The following CDH17 variants were observed in gnomAD, a reference collection of about 807,000 sequenced individuals.
The protein encoded by CDH17 is cadherin 17, also known as cadherin-17.
Under a neutral mutation model 86.3 loss-of-function variants are expected in CDH17, and 67 were observed. The ratio of observed to expected loss-of-function variants is 0.78; its 90% CI spans 0.64 to 0.95. The LOEUF is 0.95. CDH17 is among the 40% of genes least tolerant of loss of function. The probability of loss-of-function intolerance (pLI) is 0.00; values close to 1 mark genes in which losing one functional copy is unlikely to be tolerated. For synonymous variants in CDH17, 367 were observed against 366.4 expected, an observed-to-expected ratio of 1.00 and a Z score of -0.02; for missense variants, 993 against 1,017.6, an observed-to-expected ratio of 0.98 and a Z score of 0.33.
At chr8:94,192,089 G>A (rs1813701038) in intron 2 of CDH17, among the ~76,000 whole-genome samples, 1 of 152,222 alleles carries the variant, frequency 6.6e-6, no homozygotes, top group Non-Finnish European at 1.5e-5. Flanking sequence ...ATTCCAACAA[G>A]GACAAGCTGG....
At chr8:94,148,666 C>A (rs1438347990) in intron 14 of CDH17, 78 bp downstream of exon 14, 4 of 1,145,946 alleles carry the variant, frequency 3.5e-6, no homozygotes, top group Non-Finnish European at 4.6e-6. Context: ...GTTTTCTTAT[C>A]CTCCCTCCCA....
chr8:94,170,420 T>C lies in CDH17; in HGVS notation c.1043A>G (p.Glu348Gly), dbSNP rs1223615546. Residue 348 changes from glutamate (E) to glycine (G), a missense_variant, in exon 9 of 18, where the codon GAG becomes GGG. Coordinates refer to ENST00000027335, the MANE Select transcript of CDH17 (RefSeq NM_004063.4). ...PTCPSPVTVF[E>G]VQENERLGNS... is the part of the protein sequence containing the mutation. The stretch of plus-strand genomic sequence containing the variant: ...ACCCAGTCGTTCATTCTCCTGGACC[T>C]CAAATACGGTTACTGGTGACGGACA... 6.2e-7 allele frequency: 1 copy of C among 1,611,798 alleles called. No individual in the cohort carries two copies. Among genetic ancestry groups the C allele is most frequent in the Admixed American group, 1.7e-5 (1 of 59,956 alleles).
chr8:94,132,283 C>T (rs2130566808), intron 15 of CDH17, among the ~76,000 whole-genome samples: 1 of 152,294 alleles, frequency 6.6e-6, no homozygotes, highest in Admixed American at 6.5e-5. Context: ...AACTAATTTA[C>T]ACTCCCACCA....
intron 1 of CDH17, chr8:94,202,907 C>A: frequency 3.5e-6 from 1 of 284,726 alleles, no homozygotes; most frequent in Non-Finnish European, 6.8e-6. Context: ...TCTGCCAATT[C>A]CTCCAATGAG....
chr8:94,158,706 A>C (rs1812992577), intron 12 of CDH17, among the ~76,000 whole-genome samples: 1 of 152,144 alleles, frequency 6.6e-6, no homozygotes, highest in African/African-American at 2.4e-5. Flanking sequence ...CTCACACACA[A>C]GGCTAAGGCT....
chr8:94,162,001 G>T, intron 11 of CDH17, 85 bp downstream of exon 11: 1 of 853,222 alleles, frequency 1.2e-6, no homozygotes, highest in Non-Finnish European at 1.9e-6. Flanking sequence ...ACTTTTCCTA[G>T]CTACTGTCTG....
chr8:94,132,343 T>C (rs1812437143), intron 15 of CDH17, among the ~76,000 whole-genome samples: 2 of 152,164 alleles, frequency 1.3e-5, no homozygotes, highest in Non-Finnish European at 2.9e-5. Flanking sequence ...GCAACTGTTG[T>C]TTCCTGACTT....
chr8:94,130,715 C>G lies in CDH17; in HGVS notation c.2309G>C (p.Gly770Ala). 2 of 1,613,988 alleles carry G rather than the reference C, an allele frequency of 1.2e-6. No homozygotes were observed. The highest frequency in any genetic ancestry group is 2.7e-5 in the African/African-American group (2 of 75,050). ...GTGACCTGCTGGCCGGAAACAACTT[C>G]CTTCCACACAACTGCAGAATGTAAC... ...LPVTFCSCVEGSCFRPAGHQT... is the reference protein window; with the variant it reads ...LPVTFCSCVEASCFRPAGHQT... Residue 770 changes from glycine (G) to alanine (A), a missense_variant, in exon 17 of 18, where the codon GGA becomes GCA. By Grantham distance (60) the Gly-to-Ala change is moderately conservative. Transcript: ENST00000027335.
intron 7 of CDH17, 139 bp downstream of exon 7, chr8:94,173,658 G>T (rs143820809): frequency 8.5e-6 from 6 of 705,294 alleles, no homozygotes; most frequent in Non-Finnish European, 1.2e-5. Context: ...CGGGGCCAGA[G>T]GCTATATAAT....
chr8:94,162,750 G>C (rs561707431), intron 10 of CDH17, among the ~76,000 whole-genome samples: 5 of 152,302 alleles, frequency 3.3e-5, no homozygotes, highest in African/African-American at 1.2e-4. Flanking sequence ...CTGGAACCCT[G>C]GAGAAATCAC....
intron 5 of CDH17, among the ~76,000 whole-genome samples, chr8:94,176,266 G>C (rs1265920579): frequency 1.3e-5 from 2 of 152,160 alleles, no homozygotes. Context: ...ATAGTGGATA[G>C]AGGTCAGGGG....
At chr8:94,172,626 C>T (rs546018611) in intron 7 of CDH17, among the ~76,000 whole-genome samples, 3 of 152,166 alleles carry the variant, frequency 2.0e-5, no homozygotes, top group Non-Finnish European at 4.4e-5. Flanking sequence ...TATGATCAGT[C>T]ATTCAAGTGA....
chr8:94,133,482 G>A (rs948050777), intron 15 of CDH17, among the ~76,000 whole-genome samples: 1 of 152,096 alleles, frequency 6.6e-6, no homozygotes. Flanking sequence ...GTATAGGAAC[G>A]CTTGTAATTT....
At chr8:94,203,913 A>G (rs920082043) in intron 1 of CDH17, among the ~76,000 whole-genome samples, 2 of 152,174 alleles carry the variant, frequency 1.3e-5, no homozygotes, top group Non-Finnish European at 2.9e-5. Context: ...ACTCTGTAAT[A>G]TAGATATGCC....
intron 3 of CDH17, among the ~76,000 whole-genome samples, chr8:94,187,477 A>G (rs1241993850): frequency 6.6e-6 from 1 of 152,210 alleles, no homozygotes; most frequent in Non-Finnish European, 1.5e-5. Flanking sequence ...TTAATAAAAG[A>G]AAGTCTGTGA....
intron 10 of CDH17, among the ~76,000 whole-genome samples, chr8:94,163,446 G>A (rs1237709525): frequency 1.3e-5 from 2 of 152,266 alleles, no homozygotes; most frequent in Non-Finnish European, 2.9e-5. Context: ...CAGGAAGAGT[G>A]TAGCTGGGGG....
chr8:94,208,635 C>T (rs902639663), upstream of CDH17: 1 of 152,204 alleles, frequency 6.6e-6, no homozygotes, highest in African/African-American at 2.4e-5. Flanking sequence ...AAACATTAAC[C>T]ATTAACATTT....
chr8:94,145,823 G>A (rs1222927911), intron 15 of CDH17, 105 bp downstream of exon 15: 2 of 1,232,270 alleles, frequency 1.6e-6, no homozygotes, highest in Non-Finnish European at 2.3e-6. Context: ...CCTTCCTGAA[G>A]CATGAAAGAA....
chr8:94,185,128 A>G (rs774484672), intron 3 of CDH17, among the ~76,000 whole-genome samples: 1 of 152,110 alleles, frequency 6.6e-6, no homozygotes, highest in Non-Finnish European at 1.5e-5. Flanking sequence ...AACTAACTTA[A>G]GCCTCAGTTT....
Sources: allele counts gnomAD v4.1 joint callset (sites outside exome capture counted in the v4.1 genomes callset), GRCh38; gene constraint gnomAD v4.1.1; transcripts MANE v1.5; gene names NCBI Gene and HGNC (gene_info 2026-07-23, HGNC 2026-07-21).